ZC3H18: variants seen among roughly 807,000 people sequenced by gnomAD.
ZC3H18 encodes the protein zinc finger CCCH domain-containing protein 18.
ZC3H18 carries 8 observed loss-of-function variants against 106.1 expected under a neutral mutation model. That is an observed-to-expected ratio of 0.08 (90% CI 0.04 to 0.14). The LOEUF is 0.14. Among genes scored for constraint, ZC3H18 ranks in the 10% least tolerant of loss-of-function variants. The probability of loss-of-function intolerance (pLI) is 1.00; values close to 1 mark genes in which losing one functional copy is unlikely to be tolerated. For missense variants in ZC3H18, 1,318 were observed against 1,278.4 expected (o/e 1.03, Z -0.47); for synonymous variants, 635 against 522.1 (o/e 1.22, Z -2.95).
chr16:88,610,580 G>A (rs1239125034), intron 7 of ZC3H18, among the ~76,000 whole-genome samples: 1 of 152,230 alleles, frequency 6.6e-6, no homozygotes, highest in African/African-American at 2.4e-5. Flanking sequence ...GGTGCACCCT[G>A]CATCTCCCCA....
At chr16:88,629,859 G>C (rs1166321283) in intron 16 of ZC3H18, among the ~76,000 whole-genome samples, 2 of 152,208 alleles carry the variant, frequency 1.3e-5, no homozygotes, top group African/African-American at 4.8e-5. Context: ...AGAACAGGCA[G>C]GGGGCTTCCA....
At chr16:88,603,990 G>A (rs1262448125) in intron 6 of ZC3H18, among the ~76,000 whole-genome samples, 2 of 151,914 alleles carry the variant, frequency 1.3e-5, no homozygotes, top group Admixed American at 6.6e-5. Flanking sequence ...ACTCTGATTC[G>A]CAGCTTTAAA....
intron 8 of ZC3H18, among the ~76,000 whole-genome samples, chr16:88,616,393 G>C (rs1905605799): frequency 6.6e-6 from 1 of 152,232 alleles, no homozygotes; most frequent in Non-Finnish European, 1.5e-5. Flanking sequence ...GCTGCCCTCA[G>C]CCCCTTCTCG....
chr16:88,577,745 A>G lies in ZC3H18; in HGVS notation c.603+19A>G. On this transcript the variant is annotated intron_variant, in intron 2 of 17. Transcript: ENST00000301011. ...AATAGACGTGAGTATGATGGAGCAG[A>G]GCGTCGCGGGGCATCCTGCCCAGCA... 1 of 1,612,648 alleles carries G rather than the reference A, an allele frequency of 6.2e-7. No homozygotes were observed. The highest frequency in any genetic ancestry group is 8.5e-7 in the Non-Finnish European group (1 of 1,180,044).
At chr16:88,596,711 A>G (rs1027151288) in intron 3 of ZC3H18, among the ~76,000 whole-genome samples, 7 of 152,324 alleles carry the variant, frequency 4.6e-5, no homozygotes, top group Middle Eastern at 3.4e-3. Context: ...ACTTTTCTGT[A>G]CTTGGACATT....
Position 88,577,116 on chromosome 16 carries a change from G to A in ZC3H18, c.-8G>A. 2 of 1,525,408 alleles carry A rather than the reference G, an allele frequency of 1.3e-6. No homozygotes were observed. Among genetic ancestry groups the A allele is most frequent in the Non-Finnish European group, 1.8e-6 (2 of 1,135,868 alleles). The allele number at this position is 1,525,408 out of a possible 1,614,324, so 94.5% of individuals were successfully genotyped here. A position where few individuals can be genotyped will look rare whatever the true frequency, so the allele number is the denominator to read the frequency against. ...TGTATTCTCTCTTTTGCAGAACCGTGGGTACCGATGGATGTGGCCGAGAGC... is the reference window on the plus strand; with the variant it reads ...TGTATTCTCTCTTTTGCAGAACCGTAGGTACCGATGGATGTGGCCGAGAGC... On this transcript the variant is annotated 5_prime_UTR_variant, in exon 2 of 18. Transcript: ENST00000301011.
At chr16:88,589,588 T>C (rs1647886575) in intron 3 of ZC3H18, among the ~76,000 whole-genome samples, 1 of 151,656 alleles carries the variant, frequency 6.6e-6, no homozygotes, top group African/African-American at 2.4e-5. Context: ...AGAAAGCAGA[T>C]TGTGACTCAC....
At position 88,622,263 on chromosome 16, in the gene ZC3H18, G is replaced by T; in HGVS notation, c.1542G>T (p.Glu514Asp). The T allele has an allele frequency of 6.2e-7, 1 of 1,614,198 alleles. No homozygotes were observed. Among genetic ancestry groups the T allele is most frequent in the Non-Finnish European group, 8.5e-7 (1 of 1,180,022 alleles). The change falls in exon 9 of 18, where the codon GAG becomes GAT. Residue 514 changes from glutamate (E) to aspartate (D), a missense_variant. Transcript: ENST00000301011. ...TTGPQVKRAD[E>D]WKDPWRRSKS... ...GGCCGCAGGTGAAGAGAGCAGATGA[G>T]TGGAAGGACCCTTGGCGCCGATCCA...
intron 3 of ZC3H18, among the ~76,000 whole-genome samples, chr16:88,590,316 A>C (rs1462766578): frequency 6.6e-6 from 1 of 152,200 alleles, no homozygotes; most frequent in Non-Finnish European, 1.5e-5. Context: ...TAGTGGACAC[A>C]TTGAGATTTG....
rs912182306 is a variant in ZC3H18, at chr16:88,627,562, C to A, written c.2109-60C>A. On this transcript the variant is annotated intron_variant, in intron 13 of 17. Coordinates refer to ENST00000301011, the MANE Select transcript of ZC3H18 (RefSeq NM_144604.4). This position sits in a 1 kb window ranked among gnomAD's most constrained non-coding sequence, Gnocchi z 4.5. ...GCGTAAAAGTGGACCATGGAGCACCCCCTGCTGGCCCCTCCCTCCAGTCTG... is the reference window on the plus strand; with the variant it reads ...GCGTAAAAGTGGACCATGGAGCACCACCTGCTGGCCCCTCCCTCCAGTCTG... 44 of 1,544,844 alleles carry A rather than the reference C, an allele frequency of 2.8e-5. No individual in the cohort carries two copies. The highest frequency in any genetic ancestry group is 3.2e-5 in the Non-Finnish European group (37 of 1,141,434).
intron 1 of ZC3H18, among the ~76,000 whole-genome samples, chr16:88,572,372 C>T (rs1284962721): frequency 1.3e-5 from 2 of 152,064 alleles, no homozygotes; most frequent in Non-Finnish European, 2.9e-5. Flanking sequence ...GGCAGGATCT[C>T]GGCTCACCGC....
intron 17 of ZC3H18, 74 bp from the exon 18 acceptor site, chr16:88,631,027 C>T: frequency 6.3e-7 from 1 of 1,583,572 alleles, no homozygotes; most frequent in Non-Finnish European, 8.6e-7. Flanking sequence ...TGGAAGCGCC[C>T]CTACGGGGAG....
intron 1 of ZC3H18, among the ~76,000 whole-genome samples, chr16:88,573,943 G>T (rs1914569988): frequency 6.6e-6 from 1 of 151,602 alleles, no homozygotes; most frequent in Non-Finnish European, 1.5e-5. Context: ...CACAATCTTG[G>T]CTCACTGCAA....
At chr16:88,608,852 T>C in intron 6 of ZC3H18, 82 bp from the exon 7 acceptor site, 1 of 1,207,762 alleles carries the variant, frequency 8.3e-7, no homozygotes, top group Non-Finnish European at 1.2e-6. Context: ...GGTCTGTTAC[T>C]TTCTGTCCCT....
chr16:88,617,129 G>C (rs890950414), intron 8 of ZC3H18, among the ~76,000 whole-genome samples: 1 of 152,144 alleles, frequency 6.6e-6, no homozygotes, highest in Admixed American at 6.5e-5. Flanking sequence ...TGTCCATGGG[G>C]GAGCCATTTC....
At chr16:88,628,176 C>T in intron 15 of ZC3H18, 57 bp downstream of exon 15, 1 of 1,578,120 alleles carries the variant, frequency 6.3e-7, no homozygotes, top group Non-Finnish European at 8.6e-7. Context: ...GGTCCATCTG[C>T]TTCCTGAGAC....
At chr16:88,614,171 C>A (rs900708923) in intron 8 of ZC3H18, among the ~76,000 whole-genome samples, 1 of 152,254 alleles carries the variant, frequency 6.6e-6, no homozygotes. Flanking sequence ...CCTACACCTT[C>A]CAGTAACACT....
chr16:88,608,877 T>C, intron 6 of ZC3H18, 57 bp from the exon 7 acceptor site: 1 of 1,412,818 alleles, frequency 7.1e-7, no homozygotes, highest in Non-Finnish European at 9.9e-7. Flanking sequence ...TTTCGTGTGG[T>C]CTTTTTACGC....
chr16:88,628,595 C>CG (rs2049243996), intron 15 of ZC3H18, 163 bp from the exon 16 acceptor site: 1 of 690,168 alleles, frequency 1.4e-6, no homozygotes, highest in Admixed American at 2.8e-5. Flanking sequence ...GCCCTTGGTC[C>CG]GGGTCCTGGA....
Sources: allele counts gnomAD v4.1 joint callset (sites outside exome capture counted in the v4.1 genomes callset), GRCh38; gene constraint gnomAD v4.1.1; non-coding constraint Gnocchi (gnomAD v3.1); transcripts MANE v1.5; gene names NCBI Gene and HGNC (gene_info 2026-07-23, HGNC 2026-07-21).